Variants in LRRTM4 observed in about 807,000 individuals in gnomAD.
LRRTM4 encodes the protein leucine-rich repeat transmembrane neuronal protein 4.
In LRRTM4, 25 loss-of-function variants were observed where a neutral mutation model predicts 47.6. The ratio of observed to expected loss-of-function variants is 0.53; its 90% CI spans 0.38 to 0.73. The LOEUF (loss-of-function observed/expected upper bound fraction) is 0.73. Ranked by LOEUF, LRRTM4 falls within the 30% of genes least tolerant of loss-of-function variation. The pLI is 0.00. For synonymous variants in LRRTM4, 311 were observed against 269.5 expected, an observed-to-expected ratio of 1.15 and a Z score of -1.51; for missense variants, 638 against 713.4, an observed-to-expected ratio of 0.89 and a Z score of 1.20.
At chr2:77,406,167 CA>C (rs1674174997) in intron 3 of LRRTM4, among the ~76,000 whole-genome samples, 3 of 151,656 alleles carry the variant, frequency 2.0e-5, no homozygotes, top group Admixed American at 1.3e-4. Flanking sequence ...TGGCAGATGA[CA>C]AAACAGGAAA....
intron 3 of LRRTM4, among the ~76,000 whole-genome samples, chr2:77,326,361 A>T (rs950303918): frequency 6.4e-4 from 98 of 152,260 alleles, no homozygotes; most frequent in South Asian, 4.4e-3. Context: ...AAGGAAAATA[A>T]ATCTTTCTTC....
chr2:77,383,036 T>C (rs1673122870), intron 3 of LRRTM4, among the ~76,000 whole-genome samples: 1 of 151,962 alleles, frequency 6.6e-6, no homozygotes, highest in Admixed American at 6.6e-5. Context: ...GTTTCTCATG[T>C]TATTGCTAAC....
intron 3 of LRRTM4, among the ~76,000 whole-genome samples, chr2:77,034,551 G>A (rs1573479449): frequency 6.6e-6 from 1 of 151,780 alleles, no homozygotes; most frequent in South Asian, 2.1e-4. Context: ...GGAAGCTCTG[G>A]GGAAATCTGG....
intron 3 of LRRTM4, among the ~76,000 whole-genome samples, chr2:77,482,247 C>A (rs1327850452): frequency 1.3e-5 from 2 of 152,088 alleles, no homozygotes; most frequent in Admixed American, 1.3e-4. Flanking sequence ...TTTATTCCAA[C>A]TGTGAGAGAA....
At chr2:77,196,639 G>T (rs1445022442) in intron 3 of LRRTM4, among the ~76,000 whole-genome samples, 1 of 152,138 alleles carries the variant, frequency 6.6e-6, no homozygotes, top group East Asian at 1.9e-4. Context: ...AGCTTAGTAG[G>T]CTGAGGCAGG....
In LRRTM4 at chr2:77,130,919, C is replaced by G. The variant is rs867509892; in HGVS notation, c.1552-382003G>C. 8.0e-3 allele frequency among the ~76,000 whole-genome samples: 1,017 copies of G among 126,794 alleles called. 8 individuals carry two copies. Among genetic ancestry groups the G allele is most frequent in the Non-Finnish European group, 0.012 (782 of 63,126 alleles). 83.2% of individuals were successfully genotyped at this position (126,794 alleles called of 152,430 possible). ...GCGGGATCTTGGCTCACTGCAAGCT[C>G]CGCCTCCCGGGTTCACGCCATTCTC... is the stretch of plus-strand genomic sequence containing the variant. On this transcript the variant is annotated intron_variant, in intron 3 of 3. Transcript: ENST00000409884.
At chr2:77,183,249 C>T (rs918738397) in intron 3 of LRRTM4, among the ~76,000 whole-genome samples, 1 of 151,972 alleles carries the variant, frequency 6.6e-6, no homozygotes, top group African/African-American at 2.4e-5. Context: ...AAAAAAACAA[C>T]CCCATCAAAA....
chr2:77,518,365 C>G lies in LRRTM4; in HGVS notation c.1504G>C (p.Gly502Arg). Residue 502 changes from glycine to arginine, a missense_variant, in exon 3 of 4, where the codon GGA becomes CGA. Physicochemically the swap from Gly to Arg is moderately radical, Grantham distance 125 (BLOSUM62 -2). Transcript: ENST00000409884. ...ATGGTATATGTGCAGGGCCCAGATC[C>G]ATTAACCGATATATCCATGGTCTCA... Reference protein sequence around the residue: ...NSETMDISVNGSGPCTYTISG... With the variant: ...NSETMDISVNRSGPCTYTISG... 1.2e-6 allele frequency: 2 copies of G among 1,612,664 alleles called. No individual in the cohort carries two copies. Among genetic ancestry groups the G allele is most frequent in the Non-Finnish European group, 1.7e-6 (2 of 1,179,308 alleles).
At chr2:77,265,830 A>T (rs1317053311) in intron 3 of LRRTM4, among the ~76,000 whole-genome samples, 1 of 152,216 alleles carries the variant, frequency 6.6e-6, no homozygotes, top group Non-Finnish European at 1.5e-5. Context: ...ACTATGTTAT[A>T]TTAGAATAGT....
At chr2:77,361,417 G>GCACA (rs1672206219) in intron 3 of LRRTM4, among the ~76,000 whole-genome samples, 4 of 151,976 alleles carry the variant, frequency 2.6e-5, no homozygotes, top group African/African-American at 9.7e-5. Context: ...AAGACATTGT[G>GCACA]CTATTTTGAT....
At chr2:77,087,009 C>G (rs892078486) in intron 3 of LRRTM4, among the ~76,000 whole-genome samples, 1 of 152,006 alleles carries the variant, frequency 6.6e-6, no homozygotes, top group Non-Finnish European at 1.5e-5. Context: ...GAGCTCCCAG[C>G]GTAATATTGC....
In LRRTM4 at chr2:77,243,773, C is replaced by CTTT. The variant is rs68042043; in HGVS notation, c.1551+274542_1551+274544dup. On this transcript the variant is annotated intron_variant, in intron 3 of 3. Coordinates refer to ENST00000409884, the MANE Select transcript of LRRTM4 (RefSeq NM_001134745.3). ...CCATATCCCTTTTTTTTTCTTTTTC[C>CTTT]TTTTTTTTTATTATACTTTAAGTTT... is the stretch of plus-strand genomic sequence containing the variant. Among the ~76,000 whole-genome samples, 1,426 of 145,760 alleles carry CTTT rather than the reference C, an allele frequency of 9.8e-3. 29 individuals are homozygous for CTTT. Among genetic ancestry groups the CTTT allele is most frequent in the African/African-American group, 0.031 (1,227 of 39,362 alleles).
intron 3 of LRRTM4, among the ~76,000 whole-genome samples, chr2:77,513,231 C>A (rs555653955): frequency 6.6e-6 from 1 of 152,124 alleles, no homozygotes; most frequent in African/African-American, 2.4e-5. Flanking sequence ...CCTGGGCACC[C>A]CAGTTTTTAG....
chr2:76,931,128 A>G (rs1287531648), intron 3 of LRRTM4, among the ~76,000 whole-genome samples: 1 of 152,188 alleles, frequency 6.6e-6, no homozygotes, highest in Non-Finnish European at 1.5e-5. Context: ...AGAAAGAAAG[A>G]AAGAAAAAAA....
At chr2:77,223,032 G>T (rs1254024867) in intron 3 of LRRTM4, among the ~76,000 whole-genome samples, 1 of 152,076 alleles carries the variant, frequency 6.6e-6, no homozygotes, top group African/African-American at 2.4e-5. Flanking sequence ...CTTCATCTCT[G>T]GGATGCAAGG....
chr2:76,985,726 T>C (rs749869619), intron 3 of LRRTM4, among the ~76,000 whole-genome samples: 2 of 152,038 alleles, frequency 1.3e-5, no homozygotes, highest in South Asian at 2.1e-4. Flanking sequence ...TAAAAACACA[T>C]TTATTTAAGC....
intron 3 of LRRTM4, among the ~76,000 whole-genome samples, chr2:77,003,080 T>A (rs571243830): frequency 2.0e-5 from 3 of 152,118 alleles, no homozygotes; most frequent in Middle Eastern, 3.4e-3. Context: ...TATTTTTAAT[T>A]TTTTTATGTG....
intron 3 of LRRTM4, among the ~76,000 whole-genome samples, chr2:76,863,657 T>C (rs909961317): frequency 6.6e-6 from 1 of 152,304 alleles, no homozygotes; most frequent in African/African-American, 2.4e-5. Context: ...TGTCTAAAGC[T>C]AAGTGCGGAG....
intron 3 of LRRTM4, among the ~76,000 whole-genome samples, chr2:76,943,233 C>T (rs1675211004): frequency 6.6e-6 from 1 of 152,000 alleles, no homozygotes; most frequent in Admixed American, 6.6e-5. Context: ...TTAAAAGCTG[C>T]CTGGATGACT....
Sources: allele counts gnomAD v4.1 joint callset (sites outside exome capture counted in the v4.1 genomes callset), GRCh38; gene constraint gnomAD v4.1.1; transcripts MANE v1.5; gene names NCBI Gene and HGNC (gene_info 2026-07-23, HGNC 2026-07-21).